The following CCDC91 variants were observed in gnomAD, a reference collection of about 807,000 sequenced individuals.
CCDC91 encodes the protein coiled-coil domain containing 91, also known as coiled-coil domain-containing protein 91.
CCDC91 carries 48 observed loss-of-function variants against 63.2 expected under a neutral mutation model. The ratio of observed to expected loss-of-function variants is 0.76; its 90% CI spans 0.60 to 0.97. The LOEUF (loss-of-function observed/expected upper bound fraction) is 0.97. Ranked by LOEUF, CCDC91 falls within the 50% of genes least tolerant of loss-of-function variation. The pLI is 0.00. For synonymous variants in CCDC91, 167 were observed against 165.8 expected, an observed-to-expected ratio of 1.01 and a Z score of -0.06; for missense variants, 500 against 494.6, an observed-to-expected ratio of 1.01 and a Z score of -0.10.
chr12:28,225,827 A>G lies in CCDC91; in HGVS notation c.-14-31375A>G, dbSNP rs552193476. On this transcript the variant is annotated intron_variant, in intron 1 of 12. Coordinates refer to ENST00000536442, the MANE Select transcript of CCDC91 (RefSeq NM_018318.5). ...ACCCTCCTTTATGTGACTCAGAGAA[A>G]GGAGACCTCATTCCAAGTTCCAGGA... 7 of 152,326 alleles carry G rather than the reference A, an allele frequency of 4.6e-5. 1 individual carries two copies. The highest frequency in any genetic ancestry group is 1.7e-4 in the African/African-American group (7 of 41,586). The allele number at this position is 152,326 out of a possible 1,614,324, so 9.4% of individuals were successfully genotyped here. A position where few individuals can be genotyped will look rare whatever the true frequency, so the allele number is the denominator to read the frequency against.
intron 7 of CCDC91, among the ~76,000 whole-genome samples, chr12:28,367,133 T>C (rs550357594): frequency 2.6e-5 from 4 of 152,320 alleles, no homozygotes; most frequent in Non-Finnish European, 4.4e-5. Context: ...CAACAGATGC[T>C]GAACTGAGCA....
At position 28,462,178 on chromosome 12, in the gene CCDC91, G is replaced by T. The variant is rs1398917951; in HGVS notation, c.1101+9524G>T. Among the ~76,000 whole-genome samples the T allele has an allele frequency of 2.6e-5, 4 of 151,950 alleles. No homozygotes were observed. The South Asian group carries it at 8.3e-4, about 32-fold the overall frequency. ...CTTTTATTGTATCTTTGTGAAGCTG[G>T]CATTTTGGATGTTACTGAGATAAAA... On this transcript the variant is annotated intron_variant, in intron 11 of 12. Coordinates refer to ENST00000536442, the MANE Select transcript of CCDC91 (RefSeq NM_018318.5).
chr12:28,550,156 T>C lies in CCDC91; in HGVS notation c.*983T>C, dbSNP rs1472285223. 3 of 152,408 alleles carry C rather than the reference T, an allele frequency of 2.0e-5. No homozygotes were observed. The highest frequency in any genetic ancestry group is 1.9e-4 in the East Asian group (1 of 5,194). 9.4% of individuals were successfully genotyped at this position (152,408 alleles called of 1,614,324 possible). On this transcript the variant is annotated 3_prime_UTR_variant, in exon 13 of 13. Coordinates refer to ENST00000536442, the MANE Select transcript of CCDC91 (RefSeq NM_018318.5). ...GATTTCTCAGTGTAATAAAAAGAGC[T>C]CCCAAACTTATTTGGTTGTTACTTT...
Position 28,412,814 on chromosome 12 carries a change from G to A in CCDC91, c.762+21403G>A, listed in dbSNP as rs545536471. 1.3e-4 allele frequency: 61 copies of A among 453,174 alleles called. 1 individual carries two copies. Among genetic ancestry groups the A allele is most frequent in the Non-Finnish European group, 2.2e-4 (49 of 226,478 alleles). 28.1% of individuals were successfully genotyped at this position (453,174 alleles called of 1,614,324 possible). A position where few individuals can be genotyped will look rare whatever the true frequency, so the allele number is the denominator to read the frequency against. ...CTTTTAGAATCCTGCTGATTGGTGC[G>A]TTTTACAGAGTGCTGATTGGTGTAT... On this transcript the variant is annotated intron_variant, in intron 8 of 12. Transcript: ENST00000536442.
intron 3 of CCDC91, among the ~76,000 whole-genome samples, chr12:28,270,124 G>GT (rs1259429277): frequency 1.4e-5 from 2 of 146,262 alleles, no homozygotes; most frequent in Non-Finnish European, 3.1e-5. Context: ...TTCTAGATTT[G>GT]TTTTTTTTGG....
chr12:28,200,437 C>T (rs1193887785), intron 1 of CCDC91, among the ~76,000 whole-genome samples: 12 of 145,922 alleles, frequency 8.2e-5, no homozygotes, highest in East Asian at 3.9e-4. Flanking sequence ...TGCGGCCTTC[C>T]GCAGTGTTTG....
chr12:28,392,019 T>C (rs530910205), intron 8 of CCDC91, among the ~76,000 whole-genome samples: 203 of 152,030 alleles, frequency 1.3e-3, no homozygotes, highest in African/African-American at 4.6e-3. Context: ...ATCTGTGTTA[T>C]ATCATTGGAA....
At chr12:28,294,193 C>T (rs1352633237) in intron 3 of CCDC91, among the ~76,000 whole-genome samples, 2 of 152,166 alleles carry the variant, frequency 1.3e-5, no homozygotes, top group African/African-American at 2.4e-5. Flanking sequence ...TGCACAGCAC[C>T]TAGACCAGAG....
intron 12 of CCDC91, among the ~76,000 whole-genome samples, chr12:28,499,527 C>A (rs1453635779): frequency 1.3e-5 from 2 of 151,822 alleles, no homozygotes; most frequent in Non-Finnish European, 2.9e-5. Flanking sequence ...CCTTACAGGC[C>A]CAGATGTATG....
intron 6 of CCDC91, among the ~76,000 whole-genome samples, chr12:28,331,896 G>T (rs1941547163): frequency 6.6e-6 from 1 of 152,032 alleles, no homozygotes; most frequent in Non-Finnish European, 1.5e-5. Context: ...ATCAAACACT[G>T]GAGATATCAT....
At position 28,383,394 on chromosome 12, in the gene CCDC91, G is replaced by A. The variant is rs1460490421; in HGVS notation, c.655-7910G>A. On this transcript the variant is annotated intron_variant, in intron 7 of 12. Transcript: ENST00000536442. ...TTTTCAGCAGCCTCAACTTGACCTT[G>A]CTACTTCTCTTCCTTTTTTAAATTA... Among the ~76,000 whole-genome samples the A allele has an allele frequency of 2.6e-5, 4 of 152,242 alleles. No individual in the cohort carries two copies. The East Asian group carries it at 7.7e-4, about 29-fold the overall frequency.
intron 11 of CCDC91, among the ~76,000 whole-genome samples, chr12:28,479,604 A>G (rs1951330437): frequency 6.6e-6 from 1 of 152,156 alleles, no homozygotes; most frequent in African/African-American, 2.4e-5. Flanking sequence ...CCTAGAACTT[A>G]AAGTATAATA....
At chr12:28,453,283 T>A (rs981867733) in intron 11 of CCDC91, among the ~76,000 whole-genome samples, 4 of 151,750 alleles carry the variant, frequency 2.6e-5, no homozygotes, top group Non-Finnish European at 5.9e-5. Flanking sequence ...ATTAGTCTTT[T>A]TATATATATA....
intron 11 of CCDC91, among the ~76,000 whole-genome samples, chr12:28,463,973 C>CA (rs1592745836): frequency 1.3e-5 from 2 of 152,100 alleles, no homozygotes; most frequent in African/African-American, 4.8e-5. Context: ...AAGATGTAGG[C>CA]AAAACACTCT....
At chr12:28,434,625 G>A (rs539072582) in intron 8 of CCDC91, among the ~76,000 whole-genome samples, 44 of 125,192 alleles carry the variant, frequency 3.5e-4, no homozygotes, top group African/African-American at 1.3e-3. Context: ...TTTTTGATTG[G>A]GGGGTGGGTA....
At chr12:28,513,178 G>A (rs569586379) in intron 12 of CCDC91, among the ~76,000 whole-genome samples, 91 of 151,968 alleles carry the variant, frequency 6.0e-4, no homozygotes, top group African/African-American at 1.9e-3. Flanking sequence ...GAAATCCGAT[G>A]CAGCTACATC....
intron 7 of CCDC91, among the ~76,000 whole-genome samples, chr12:28,381,445 G>A (rs546599151): frequency 1.3e-5 from 2 of 152,138 alleles, no homozygotes; most frequent in South Asian, 2.1e-4. Flanking sequence ...ATAGAATTAT[G>A]TATTATAAAA....
intron 6 of CCDC91, among the ~76,000 whole-genome samples, chr12:28,315,325 C>T (rs1167738186): frequency 6.6e-6 from 1 of 151,704 alleles, no homozygotes; most frequent in African/African-American, 2.4e-5. Context: ...ACCACCACAC[C>T]CGGCTAATTT....
chr12:28,298,377 T>TTC (rs71039892), intron 3 of CCDC91, among the ~76,000 whole-genome samples: 32,518 of 144,790 alleles, frequency 0.22, 4,108 homozygotes, highest in Non-Finnish European at 0.3. Flanking sequence ...TTTTTTTTTT[T>TTC]CCCCCCACAA....
Sources: gnomAD v4.1 joint callset for allele counts (sites outside exome capture counted in the v4.1 genomes callset) on GRCh38, gnomAD v4.1.1 for gene constraint, MANE v1.5 for transcripts, NCBI Gene and HGNC (gene_info 2026-07-23, HGNC 2026-07-21) for gene names.